CSMD3: variants seen among roughly 807,000 people sequenced by gnomAD.
The protein encoded by CSMD3 is CUB and sushi domain-containing protein 3.
A neutral mutation model predicts 435.2 loss-of-function variants in CSMD3; 177 were observed. The observed-to-expected ratio is 0.41, with a 90% CI of 0.36 to 0.46. The LOEUF (loss-of-function observed/expected upper bound fraction) is 0.46, where lower values mean the gene tolerates loss of function less well. Among genes scored for constraint, CSMD3 ranks in the 20% least tolerant of loss-of-function variants. CSMD3 has a pLI of 0.34. For synonymous variants in CSMD3, 1,656 were observed against 1,520.5 expected (o/e 1.09, Z -2.07); for missense variants, 4,265 against 4,504.6 (o/e 0.95, Z 1.52).
chr8:113,054,393 T>C (rs1371905106), intron 5 of CSMD3, among the ~76,000 whole-genome samples: 1 of 152,196 alleles, frequency 6.6e-6, no homozygotes, highest in African/African-American at 2.4e-5. Context: ...CTCATGAATA[T>C]ATGTACCAAT....
intron 13 of CSMD3, among the ~76,000 whole-genome samples, chr8:112,761,191 T>C (rs901325827): frequency 1.4e-4 from 22 of 152,252 alleles, no homozygotes; most frequent in African/African-American, 5.3e-4. Flanking sequence ...TTTCATGCCA[T>C]AGTTTCTTTT....
chr8:112,942,849 T>C (rs1169522500), intron 9 of CSMD3, among the ~76,000 whole-genome samples: 1 of 151,766 alleles, frequency 6.6e-6, no homozygotes, highest in Non-Finnish European at 1.5e-5. Flanking sequence ...AACCTGTATG[T>C]ATAGCCCTGA....
chr8:112,341,818 G>T, intron 41 of CSMD3, 132 bp from the exon 42 acceptor site: 1 of 717,032 alleles, frequency 1.4e-6, no homozygotes, highest in Non-Finnish European at 2.5e-6. Flanking sequence ...CTCAAGATCT[G>T]AGTCATGGAT....
chr8:112,725,235 A>C (rs1191954198), intron 13 of CSMD3, among the ~76,000 whole-genome samples: 1 of 151,982 alleles, frequency 6.6e-6, no homozygotes, highest in East Asian at 1.9e-4. Context: ...TAAACAGAAA[A>C]AAGAAGGGAG....
intron 2 of CSMD3, among the ~76,000 whole-genome samples, chr8:113,278,958 G>A (rs1230564956): frequency 6.6e-6 from 1 of 151,438 alleles, no homozygotes; most frequent in Non-Finnish European, 1.5e-5. Context: ...TAGCAGGAAT[G>A]GACAACTGAT....
intron 13 of CSMD3, among the ~76,000 whole-genome samples, chr8:112,720,305 TTTTTC>T (rs145646990): frequency 5.3e-5 from 8 of 151,286 alleles, no homozygotes; most frequent in East Asian, 2.0e-4. Context: ...GCTAGAAATT[TTTTTC>T]TTTTCTTTTC....
intron 6 of CSMD3, among the ~76,000 whole-genome samples, chr8:112,999,238 A>T (rs910884654): frequency 3.9e-5 from 6 of 152,034 alleles, no homozygotes; most frequent in African/African-American, 1.4e-4. Flanking sequence ...ATCAGAAAAC[A>T]GATGCAATTT....
chr8:112,410,374 C>G (rs1389115967), intron 32 of CSMD3, among the ~76,000 whole-genome samples: 1 of 150,582 alleles, frequency 6.6e-6, no homozygotes, highest in Non-Finnish European at 1.5e-5. Context: ...TCCACCTAAC[C>G]AGACACATGC....
At chr8:112,412,016 T>C (rs1811404703) in intron 32 of CSMD3, among the ~76,000 whole-genome samples, 1 of 152,132 alleles carries the variant, frequency 6.6e-6, no homozygotes, top group Non-Finnish European at 1.5e-5. Flanking sequence ...TATGCATCTA[T>C]TTGTTTGTAA....
chr8:113,017,469 T>C (rs2086509506), intron 6 of CSMD3, among the ~76,000 whole-genome samples: 1 of 151,844 alleles, frequency 6.6e-6, no homozygotes. Context: ...TTTCTACATA[T>C]AAATATAAAA....
intron 32 of CSMD3, among the ~76,000 whole-genome samples, chr8:112,441,152 C>T (rs1814967824): frequency 6.6e-6 from 1 of 152,106 alleles, no homozygotes; most frequent in Non-Finnish European, 1.5e-5. Context: ...TACCATATAT[C>T]ATCTCTCTCA....
chr8:112,340,511 A>G (rs1344151140), intron 42 of CSMD3, among the ~76,000 whole-genome samples: 1 of 152,142 alleles, frequency 6.6e-6, no homozygotes. Context: ...TGATACTCCA[A>G]TGAACAACCC....
rs1825124850 is a variant in CSMD3, at chr8:112,341,627, G to C, written c.6502C>G (p.Arg2168Gly). The change falls in exon 42 of 71, where the codon CGA (arginine) becomes GGA (glycine). Residue 2168 changes from arginine (R) to glycine (G), a missense_variant. Arg to Gly is a moderately radical substitution (Grantham distance 125). This residue lies in a region of CSMD3 where 3,255 missense variants were observed against 3,380.2 expected (regional missense o/e 0.96). Transcript: ENST00000297405. ...TETIHDYLEV[R>G]SGSSETSTVI... ...GTACTAGTTTCTGAGGATCCACTTC[G>C]TACTTCCAAATAATCATGTATGGTT... 6.2e-7 allele frequency: 1 copy of C among 1,613,106 alleles called. No homozygotes were observed. Among genetic ancestry groups the C allele is most frequent in the South Asian group, 1.1e-5 (1 of 91,052 alleles).
At chr8:113,281,541 T>C (rs1213062229) in intron 2 of CSMD3, among the ~76,000 whole-genome samples, 5 of 151,814 alleles carry the variant, frequency 3.3e-5, no homozygotes, top group African/African-American at 1.2e-4. Flanking sequence ...CTTTAGTTTA[T>C]GTGAGTCCTT....
At chr8:113,141,377 G>C (rs2091543767) in intron 4 of CSMD3, among the ~76,000 whole-genome samples, 1 of 150,150 alleles carries the variant, frequency 6.7e-6, no homozygotes, top group African/African-American at 2.4e-5. Flanking sequence ...CAAAAAAGAA[G>C]AAAAAAACTA....
intron 35 of CSMD3, among the ~76,000 whole-genome samples, chr8:112,401,474 T>G (rs991972571): frequency 1.3e-5 from 2 of 152,270 alleles, no homozygotes; most frequent in African/African-American, 2.4e-5. Context: ...GATGTTTAAA[T>G]TTTTAGGGTA....
chr8:113,162,272 C>T (rs776794228), intron 4 of CSMD3, among the ~76,000 whole-genome samples: 4 of 152,000 alleles, frequency 2.6e-5, no homozygotes, highest in Non-Finnish European at 4.4e-5. Flanking sequence ...ATAACAATAG[C>T]GGTTAAGAAC....
chr8:112,472,006 A>G (rs970763916), intron 32 of CSMD3, among the ~76,000 whole-genome samples: 2 of 152,150 alleles, frequency 1.3e-5, no homozygotes, highest in African/African-American at 4.8e-5. Context: ...GATCAGAAAG[A>G]TGTGAAGGCA....
chr8:113,082,571 A>C (rs1268504506), intron 5 of CSMD3, among the ~76,000 whole-genome samples: 3 of 152,158 alleles, frequency 2.0e-5, no homozygotes, highest in Admixed American at 2.0e-4. Context: ...GGTCATAAGA[A>C]ACATGAGAAA....
Sources: gnomAD v4.1 joint callset for allele counts (sites outside exome capture counted in the v4.1 genomes callset) on GRCh38, gnomAD v4.1.1 for gene constraint, gnomAD v4.1.1 regional missense constraint, MANE v1.5 for transcripts, NCBI Gene and HGNC (gene_info 2026-07-23, HGNC 2026-07-21) for gene names.